The following SYDE2 variants were observed in gnomAD, a reference collection of about 807,000 sequenced individuals.
SYDE2 encodes the protein synapse defective Rho GTPase homolog 2.
A neutral mutation model predicts 91.5 loss-of-function variants in SYDE2; 76 were observed. That is an observed-to-expected ratio of 0.83 (90% CI 0.69 to 1.01). The LOEUF is 1.01. SYDE2 is among the 50% of genes least tolerant of loss of function. The probability of loss-of-function intolerance (pLI) is 0.00; values close to 1 mark genes in which losing one functional copy is unlikely to be tolerated. For missense variants in SYDE2, 1,364 were observed against 1,367.7 expected, an observed-to-expected ratio of 1.00 and a Z score of 0.04; for synonymous variants, 513 against 506.4, an observed-to-expected ratio of 1.01 and a Z score of -0.18.
At position 85,182,264 on chromosome 1, in the gene SYDE2, G is replaced by GTCACTT; in HGVS notation, c.2372_2377dup (p.Lys791_Val792dup). The GTCACTT allele has an allele frequency of 6.2e-7, 1 of 1,612,800 alleles. No individual in the cohort carries two copies. Among genetic ancestry groups the GTCACTT allele is most frequent in the Non-Finnish European group, 8.5e-7 (1 of 1,179,528 alleles). The stretch of plus-strand genomic sequence containing the variant: ...AGAATTCTCCCACTGTTCCATAAGA[G>GTCACTT]TCACTTTCACATAAATAAGACCTCT... On this transcript the variant is annotated inframe_insertion, in exon 3 of 7. Transcript: ENST00000341460.
chr1:85,196,479 G>A (rs911871815), intron 1 of SYDE2, among the ~76,000 whole-genome samples: 11 of 152,070 alleles, frequency 7.2e-5, no homozygotes, highest in Non-Finnish European at 1.6e-4. Context: ...AGCATTTCTT[G>A]GGAGCCACTG....
intron 5 of SYDE2, 108 bp from the exon 6 acceptor site, chr1:85,164,865 T>G: frequency 1.6e-6 from 1 of 634,822 alleles, no homozygotes; most frequent in African/African-American, 1.9e-5. Flanking sequence ...AAAAGGATTT[T>G]TTTTAAAGAT....
At chr1:85,153,032 G>C (rs1656812404), downstream of SYDE2, 6 of 152,168 alleles carry the variant, frequency 3.9e-5, no homozygotes, top group South Asian at 1.2e-3. Flanking sequence ...CAGGCTCTTT[G>C]AAGTGACATT....
chr1:85,178,979 C>G (rs1657814147), intron 3 of SYDE2, among the ~76,000 whole-genome samples: 1 of 152,062 alleles, frequency 6.6e-6, no homozygotes, highest in Admixed American at 6.5e-5. Context: ...TGTCTTTAAA[C>G]ACTGTCATAC....
Position 85,164,408 on chromosome 1 carries a change from AT to A in SYDE2, c.3085+117del, listed in dbSNP as rs1181850443. On this transcript the variant is annotated intron_variant, in intron 6 of 6. Coordinates refer to ENST00000341460, the MANE Select transcript of SYDE2 (RefSeq NM_032184.2). ...TAAAGGGCAGGTATCAATTCACAAC[AT>A]TTTGAAAAAGCAAAATCTAGAAGAG... The A allele has an allele frequency of 1.0e-5, 7 of 697,778 alleles. No individual in the cohort carries two copies. In the African/African-American group the frequency reaches 1.3e-4, roughly 13 times the overall value. 43.2% of individuals were successfully genotyped at this position (697,778 alleles called of 1,614,324 possible). A position where few individuals can be genotyped will look rare whatever the true frequency, so the allele number is the denominator to read the frequency against.
In SYDE2 at chr1:85,159,140, A is replaced by C. The variant is rs1477596083; in HGVS notation, c.3195T>G (p.Ser1065Arg). 1.3e-6 allele frequency: 1 copy of C among 780,858 alleles called. No individual in the cohort carries two copies. Among genetic ancestry groups the C allele is most frequent in the Admixed American group, 1.7e-5 (1 of 59,046 alleles). 48.4% of individuals were successfully genotyped at this position (780,858 alleles called of 1,614,324 possible). ...TAAGTACTCCTGATGAATCAGTACC[A>C]CTCAAATTTAACATATGAGGTCGTT... is the stretch of plus-strand genomic sequence containing the variant. ...KKERPHMLNL[S>R]GTDSSGVLRP... Residue 1065 changes from serine to arginine, a missense_variant, in exon 7 of 7, where the codon AGT becomes AGG. Ser to Arg is a moderately radical substitution (Grantham distance 110). Transcript: ENST00000341460.
In SYDE2 at chr1:85,164,713, G is replaced by A; in HGVS notation, c.2898C>T (p.Ser966=). The change falls in exon 6 of 7, where the codon TCC becomes TCT. Residue 966 remains serine (S), a synonymous_variant. Coordinates refer to ENST00000341460, the MANE Select transcript of SYDE2 (RefSeq NM_032184.2). ...ACGTCATCTTATTCACTTCATGATA[G>A]GAAGCCACCAATTTCAAATGATCCA... ...MLLDHLKLVA[S]YHEVNKMTCQ... 6.8e-7 allele frequency: 1 copy of A among 1,467,518 alleles called. No homozygotes were observed. Among genetic ancestry groups the A allele is most frequent in the Admixed American group, 2.8e-5 (1 of 35,444 alleles). The allele number at this position is 1,467,518 out of a possible 1,614,324, so 90.9% of individuals were successfully genotyped here. A position where few individuals can be genotyped will look rare whatever the true frequency, so the allele number is the denominator to read the frequency against.
chr1:85,178,238 G>T lies in SYDE2; in HGVS notation c.2579C>A (p.Ala860Glu). 6.3e-7 allele frequency: 1 copy of T among 1,580,626 alleles called. No individual in the cohort carries two copies. Among genetic ancestry groups the T allele is most frequent in the East Asian group, 2.3e-5 (1 of 43,580 alleles). The change falls in exon 4 of 7, where the codon GCA becomes GAA. Residue 860 changes from alanine to glutamate, a missense_variant. By Grantham distance (107) the Ala-to-Glu change is moderately radical. Transcript: ENST00000341460. ...AGCCTCTCGCAGTTCTTTCTTGACTGCTGCCGAACCACATAATCGATACAG... is the reference window on the plus strand; with the variant it reads ...AGCCTCTCGCAGTTCTTTCTTGACTTCTGCCGAACCACATAATCGATACAG... The part of the protein sequence containing the change: ...VGLYRLCGSA[A>E]VKKELREAFE...
chr1:85,182,262 G>C lies in SYDE2; in HGVS notation c.2380C>G (p.Leu794Val). ...PRGLIYVKVT[L>V]MEQWENSLHG... ...AGAGAATTCTCCCACTGTTCCATAA[G>C]AGTCACTTTCACATAAATAAGACCT... Residue 794 changes from leucine (L) to valine (V), a missense_variant, in exon 3 of 7, where the codon CTT (leucine) becomes GTT (valine). By Grantham distance (32) the Leu-to-Val change is conservative (BLOSUM62 1). Coordinates refer to ENST00000341460, the MANE Select transcript of SYDE2 (RefSeq NM_032184.2). 1 of 1,612,688 alleles carries C rather than the reference G, an allele frequency of 6.2e-7. No homozygotes were observed. Among genetic ancestry groups the C allele is most frequent in the Non-Finnish European group, 8.5e-7 (1 of 1,179,504 alleles).
In SYDE2 at chr1:85,188,014, T is replaced by TAATTA. The variant is rs991306965; in HGVS notation, c.1441+2038_1441+2042dup. 2.0e-5 allele frequency among the ~76,000 whole-genome samples: 3 copies of TAATTA among 151,964 alleles called. No individual in the cohort carries two copies. The South Asian group carries it at 6.2e-4, about 32-fold the overall frequency. On this transcript the variant is annotated intron_variant, in intron 2 of 6. Coordinates refer to ENST00000341460, the MANE Select transcript of SYDE2 (RefSeq NM_032184.2). ...TACCCTAAAACTTAAAGTATAATAA[T>TAATTA]AATTAAATTAAATTAAAAAAAAAGT...
At chr1:85,179,993 T>C (rs533227303) in intron 3 of SYDE2, among the ~76,000 whole-genome samples, 42 of 152,312 alleles carry the variant, frequency 2.8e-4, no homozygotes, top group African/African-American at 9.9e-4. Flanking sequence ...AAGGAAAAGA[T>C]ATTTTAGGAT....
At chr1:85,181,933 T>A (rs971438550) in intron 3 of SYDE2, 165 bp downstream of exon 3, 11 of 706,360 alleles carry the variant, frequency 1.6e-5, no homozygotes, top group Non-Finnish European at 2.2e-5. Flanking sequence ...ACAACATGAG[T>A]CAAGTTAAAA....
In SYDE2 at chr1:85,200,573, G is replaced by A. The variant is rs777358880; in HGVS notation, c.424C>T (p.Leu142Phe). The A allele has an allele frequency of 2.4e-5, 39 of 1,598,046 alleles. No homozygotes were observed. Among genetic ancestry groups the A allele is most frequent in the Non-Finnish European group, 3.2e-5 (38 of 1,174,514 alleles). Reference protein sequence around the residue: ...DRARAAAPTGLQPPGCKDHGC... With the variant: ...DRARAAAPTGFQPPGCKDHGC... ...TGGTCCTTGCAGCCTGGAGGCTGGA[G>A]GCCGGTGGGTGCAGCCGCCCGGGCG... Residue 142 changes from leucine to phenylalanine, a missense_variant, in exon 1 of 7, where the codon CTC becomes TTC. Physicochemically the swap from Leu to Phe is conservative, Grantham distance 22 (BLOSUM62 0). Transcript: ENST00000341460.
At chr1:85,163,019 C>G (rs986445501) in intron 6 of SYDE2, among the ~76,000 whole-genome samples, 1 of 152,002 alleles carries the variant, frequency 6.6e-6, no homozygotes, top group East Asian at 1.9e-4. Flanking sequence ...AAATAACATT[C>G]TAATTCAGTT....
At chr1:85,194,219 T>G (rs1040441787) in intron 1 of SYDE2, among the ~76,000 whole-genome samples, 2 of 151,452 alleles carry the variant, frequency 1.3e-5, no homozygotes, top group African/African-American at 4.8e-5. Flanking sequence ...AATTCATAGA[T>G]ATGGAAAGCT....
chr1:85,178,113 G>A, intron 4 of SYDE2, 33 bp downstream of exon 4: 1 of 1,501,440 alleles, frequency 6.7e-7, no homozygotes, highest in African/African-American at 1.4e-5. Context: ...AGTCTTTCCA[G>A]AAAGAGTACA....
At chr1:85,194,135 T>A (rs1159418083) in intron 1 of SYDE2, among the ~76,000 whole-genome samples, 1 of 151,672 alleles carries the variant, frequency 6.6e-6, no homozygotes, top group East Asian at 1.9e-4. Context: ...TTATTCAAGA[T>A]AATAAACTTG....
intron 6 of SYDE2, among the ~76,000 whole-genome samples, chr1:85,162,259 A>T (rs1324527607): frequency 6.6e-6 from 1 of 152,238 alleles, no homozygotes; most frequent in Non-Finnish European, 1.5e-5. Flanking sequence ...ATGGAAAAAT[A>T]AGATATGCAT....
chr1:85,180,314 CCT>C (rs560691519), intron 3 of SYDE2, among the ~76,000 whole-genome samples: 53 of 152,124 alleles, frequency 3.5e-4, no homozygotes, highest in Non-Finnish European at 6.8e-4. Context: ...GCACAATAAG[CCT>C]CTCTCTACTG....
Sources: gnomAD v4.1 joint callset for allele counts (sites outside exome capture counted in the v4.1 genomes callset) on GRCh38, gnomAD v4.1.1 for gene constraint, MANE v1.5 for transcripts, NCBI Gene and HGNC (gene_info 2026-07-23, HGNC 2026-07-21) for gene names.